The following USP48 variants were observed in gnomAD, a reference collection of about 807,000 sequenced individuals.
USP48 encodes the protein ubiquitin carboxyl-terminal hydrolase 48.
USP48 carries 43 observed loss-of-function variants against 150.7 expected under a neutral mutation model. The ratio of observed to expected loss-of-function variants is 0.29; its 90% CI spans 0.22 to 0.37. The LOEUF (loss-of-function observed/expected upper bound fraction) is 0.37, where lower values mean the gene tolerates loss of function less well. USP48 is among the 10% of genes least tolerant of loss of function. USP48 has a pLI of 1.00. For synonymous variants in USP48, 396 were observed against 425.9 expected (o/e 0.93, Z 0.86); for missense variants, 813 against 1,249.6 (o/e 0.65, Z 5.27).
intron 22 of USP48, 53 bp downstream of exon 22, chr1:21,701,445 G>A: frequency 6.7e-7 from 1 of 1,491,854 alleles, no homozygotes; most frequent in Non-Finnish European, 9.3e-7. Context: ...TCGAGTGGCT[G>A]CTCTATAAGA....
intron 8 of USP48, among the ~76,000 whole-genome samples, chr1:21,740,929 T>C (rs950919333): frequency 6.6e-6 from 1 of 152,088 alleles, no homozygotes; most frequent in African/African-American, 2.4e-5. Flanking sequence ...AGAGAACGAA[T>C]AAAGTACAAG....
In USP48 at chr1:21,730,448, G is replaced by GTTAAATTAAA. The variant is rs571990782; in HGVS notation, c.1172-626_1172-617dup. Among the ~76,000 whole-genome samples the GTTAAATTAAA allele has an allele frequency of 2.1e-3, 324 of 151,548 alleles. 3 individuals are homozygous for GTTAAATTAAA. Among genetic ancestry groups the GTTAAATTAAA allele is most frequent in the African/African-American group, 6.7e-3 (277 of 41,280 alleles). The stretch of plus-strand genomic sequence containing the variant: ...GACTCTGTCTCATGAAAAAGAAAAA[G>GTTAAATTAAA]TTAAATTAAATTAAATTAAAAAATA... On this transcript the variant is annotated intron_variant, in intron 9 of 26. Transcript: ENST00000308271.
At chr1:21,707,001 G>T in intron 15 of USP48, 133 bp from the exon 16 acceptor site, 1 of 1,054,690 alleles carries the variant, frequency 9.5e-7, no homozygotes, top group South Asian at 1.8e-5. Context: ...GGTATTTCTA[G>T]CTCTCTTTTC....
In USP48 at chr1:21,767,168, G is replaced by A. The variant is rs115648156; in HGVS notation, c.135-9385C>T. Among the ~76,000 whole-genome samples, 671 of 152,252 alleles carry A rather than the reference G, an allele frequency of 4.4e-3. 5 individuals are homozygous for A. Among genetic ancestry groups the A allele is most frequent in the African/African-American group, 0.015 (624 of 41,550 alleles). On this transcript the variant is annotated intron_variant, in intron 1 of 26. Transcript: ENST00000308271. Reference sequence around the variant, plus strand: ...AGGCTCAGGTGATCTTCCCACCTCAGCCTTCCAAATAGCTGGGACCACAGG... The same window carrying A: ...AGGCTCAGGTGATCTTCCCACCTCAACCTTCCAAATAGCTGGGACCACAGG...
Position 21,749,681 on chromosome 1 carries a change from C to T in USP48, c.775-1410G>A, listed in dbSNP as rs1460227325. On this transcript the variant is annotated intron_variant, in intron 6 of 26. Coordinates refer to ENST00000308271, the MANE Select transcript of USP48 (RefSeq NM_032236.8). ...GCAGTGGTCCAATCATAGCTAACTACAGCCTCAAACTCCTGAGCTCAGGCA... is the reference window on the plus strand; with the variant it reads ...GCAGTGGTCCAATCATAGCTAACTATAGCCTCAAACTCCTGAGCTCAGGCA... Among the ~76,000 whole-genome samples, 7 of 151,960 alleles carry T rather than the reference C, an allele frequency of 4.6e-5. No individual in the cohort carries two copies. The East Asian group carries it at 9.7e-4, about 21-fold the overall frequency.
chr1:21,769,968 C>A (rs1373615127), intron 1 of USP48, among the ~76,000 whole-genome samples: 1 of 152,034 alleles, frequency 6.6e-6, no homozygotes, highest in East Asian at 1.9e-4. Context: ...ATGGAAAAAT[C>A]AAAATGACCA....
At chr1:21,731,655 T>C (rs1323257279) in intron 9 of USP48, among the ~76,000 whole-genome samples, 1 of 151,540 alleles carries the variant, frequency 6.6e-6, no homozygotes, top group African/African-American at 2.4e-5. Context: ...CCGAGGCAGG[T>C]AGATCACCTG....
intron 19 of USP48, 183 bp from the exon 20 acceptor site, chr1:21,704,575 C>A: frequency 3.5e-6 from 2 of 574,894 alleles, no homozygotes; most frequent in Admixed American, 3.9e-5. Context: ...ACCACAGCAG[C>A]GAAACTAAAT....
In USP48 at chr1:21,707,014, G is replaced by GT. The variant is rs202140588; in HGVS notation, c.1964-147dup. ...TTGGTATTTCTAGCTCTCTTTTCTT[G>GT]TTTTCAAAAACTTCTGAATTTCCGA... is the stretch of plus-strand genomic sequence containing the variant. On this transcript the variant is annotated intron_variant, in intron 15 of 26. Transcript: ENST00000308271. 3.9e-3 allele frequency: 3,839 copies of GT among 977,784 alleles called. 89 individuals are homozygous for GT. The Admixed American group carries it at 0.054, about 14-fold the overall frequency. The allele number at this position is 977,784 out of a possible 1,614,324, so 60.6% of individuals were successfully genotyped here.
intron 24 of USP48, among the ~76,000 whole-genome samples, chr1:21,688,777 AG>A (rs1400060939): frequency 7.4e-6 from 1 of 134,710 alleles, no homozygotes; most frequent in Non-Finnish European, 1.5e-5. Flanking sequence ...TGGGAGGTGG[AG>A]GTTGCAGTGA....
chr1:21,692,527 C>G (rs1301975222), intron 23 of USP48, among the ~76,000 whole-genome samples: 3 of 152,168 alleles, frequency 2.0e-5, no homozygotes. Context: ...CCTCTAGACA[C>G]AAGTGCCACA....
chr1:21,740,495 C>G (rs1419679047), intron 8 of USP48, among the ~76,000 whole-genome samples: 1 of 152,200 alleles, frequency 6.6e-6, no homozygotes, highest in Non-Finnish European at 1.5e-5. Flanking sequence ...TCCATTACAA[C>G]TTCATAAGAA....
In USP48 at chr1:21,755,341, G is replaced by A. The variant is rs550608754; in HGVS notation, c.412+1205C>T. 3.9e-5 allele frequency among the ~76,000 whole-genome samples: 6 copies of A among 152,022 alleles called. No homozygotes were observed. In the South Asian group the frequency reaches 1.0e-3, roughly 26 times the overall value. On this transcript the variant is annotated intron_variant, in intron 3 of 26. Coordinates refer to ENST00000308271, the MANE Select transcript of USP48 (RefSeq NM_032236.8). ...TCTGGGAGACCAAGGAAGGTGGATCGATTGAACCCAGGAGTTTGAGACCAG... is the reference window on the plus strand; with the variant it reads ...TCTGGGAGACCAAGGAAGGTGGATCAATTGAACCCAGGAGTTTGAGACCAG...
At chr1:21,780,811 C>T (rs2097912579) in intron 1 of USP48, among the ~76,000 whole-genome samples, 2 of 141,432 alleles carry the variant, frequency 1.4e-5, no homozygotes, top group Non-Finnish European at 3.0e-5. Context: ...GGCGTGATCT[C>T]GGCTCACCGC....
At chr1:21,758,553 G>A (rs1253317903) in intron 1 of USP48, among the ~76,000 whole-genome samples, 1 of 152,010 alleles carries the variant, frequency 6.6e-6, no homozygotes, top group African/African-American at 2.4e-5. Context: ...AACAAGGTCA[G>A]GAGTTCGAGA....
intron 15 of USP48, chr1:21,715,106 G>A (rs2097700701): frequency 3.2e-6 from 1 of 311,562 alleles, no homozygotes; most frequent in Non-Finnish European, 6.0e-6. Flanking sequence ...CTAACAAGAT[G>A]AAGAAGAAGA....
chr1:21,706,068 A>G, intron 18 of USP48, 58 bp downstream of exon 18: 1 of 1,562,108 alleles, frequency 6.4e-7, no homozygotes, highest in South Asian at 1.1e-5. Context: ...ATCTTAAAAA[A>G]TACCAGAGTC....
chr1:21,760,883 C>T (rs915601099), intron 1 of USP48, among the ~76,000 whole-genome samples: 2 of 152,104 alleles, frequency 1.3e-5, no homozygotes, highest in Middle Eastern at 3.2e-3. Context: ...CACCTGAGGT[C>T]GGGATTTCGA....
At chr1:21,779,599 A>G (rs1183815208) in intron 1 of USP48, among the ~76,000 whole-genome samples, 2 of 152,114 alleles carry the variant, frequency 1.3e-5, no homozygotes, top group Non-Finnish European at 2.9e-5. Flanking sequence ...ACAACCCAAC[A>G]ATCCCACTTC....
Sources: gnomAD v4.1 joint callset for allele counts (sites outside exome capture counted in the v4.1 genomes callset) on GRCh38, gnomAD v4.1.1 for gene constraint, MANE v1.5 for transcripts, NCBI Gene and HGNC (gene_info 2026-07-23, HGNC 2026-07-21) for gene names.